The following LIMK2 variants were observed in gnomAD, a reference collection of about 807,000 sequenced individuals.
LIMK2 encodes LIM domain kinase 2.
LIMK2 carries 35 observed loss-of-function variants against 75.7 expected under a neutral mutation model. That is an observed-to-expected ratio of 0.46 (90% CI 0.35 to 0.61). The LOEUF is 0.61. Ranked by LOEUF, LIMK2 falls within the 20% of genes least tolerant of loss-of-function variation. The probability of loss-of-function intolerance (pLI) is 0.00; values close to 1 mark genes in which losing one functional copy is unlikely to be tolerated. For synonymous variants in LIMK2, 301 were observed against 319.2 expected, an observed-to-expected ratio of 0.94 and a Z score of 0.61; for missense variants, 623 against 831.0, an observed-to-expected ratio of 0.75 and a Z score of 3.08.
intron 1 of LIMK2, among the ~76,000 whole-genome samples, chr22:31,217,901 T>A (rs2048401229): frequency 6.6e-6 from 1 of 152,252 alleles, no homozygotes. Context: ...TCCATGTCCT[T>A]CACACCCCAT....
intron 2 of LIMK2, among the ~76,000 whole-genome samples, chr22:31,227,345 C>T (rs1429759724): frequency 6.6e-6 from 1 of 152,176 alleles, no homozygotes; most frequent in African/African-American, 2.4e-5. Context: ...GTAAAACATC[C>T]CTGTGCTTAT....
At chr22:31,273,579 A>T in intron 14 of LIMK2, 72 bp downstream of exon 14, 1 of 1,218,382 alleles carries the variant, frequency 8.2e-7, no homozygotes, top group South Asian at 1.2e-5. Flanking sequence ...GAACTGGGGC[A>T]TCTCCTCCTA....
intron 11 of LIMK2, among the ~76,000 whole-genome samples, chr22:31,269,773 C>T (rs1023281649): frequency 1.0e-5 from 1 of 96,556 alleles, no homozygotes; most frequent in East Asian, 3.0e-4. Flanking sequence ...GACTTCATCT[C>T]AAAAAAAAAA....
chr22:31,216,702 C>G (rs947912645), intron 1 of LIMK2, among the ~76,000 whole-genome samples: 2 of 152,114 alleles, frequency 1.3e-5, no homozygotes, highest in Non-Finnish European at 2.9e-5. Flanking sequence ...AATAAAAATC[C>G]GTCATGATCA....
chr22:31,221,557 T>C (rs1410552059), intron 1 of LIMK2, among the ~76,000 whole-genome samples: 6 of 152,184 alleles, frequency 3.9e-5, no homozygotes, highest in Non-Finnish European at 8.8e-5. Flanking sequence ...TGATCTTGGC[T>C]CACTGCAACC....
At chr22:31,274,727 T>A (rs1242673777) in intron 14 of LIMK2, among the ~76,000 whole-genome samples, 1 of 152,144 alleles carries the variant, frequency 6.6e-6, no homozygotes, top group Admixed American at 6.5e-5. Context: ...TTTAAAAAAT[T>A]GTTTTCTTTA....
intron 2 of LIMK2, among the ~76,000 whole-genome samples, chr22:31,232,070 T>A (rs1234849629): frequency 6.6e-6 from 1 of 151,774 alleles, no homozygotes; most frequent in African/African-American, 2.4e-5. Flanking sequence ...TGCCCCAGCC[T>A]CCCAAAGTGC....
At chr22:31,248,312 T>TCCTCCCTC (rs1210795180) in intron 2 of LIMK2, 1 of 1,196,038 alleles carries the variant, frequency 8.4e-7, no homozygotes, top group Non-Finnish European at 1.1e-6. Context: ...CCCCTCCTCT[T>TCCTCCCTC]CCTCCCTCCC....
At chr22:31,221,916 G>A (rs2048437646) in intron 1 of LIMK2, among the ~76,000 whole-genome samples, 1 of 152,170 alleles carries the variant, frequency 6.6e-6, no homozygotes, top group Non-Finnish European at 1.5e-5. Flanking sequence ...AATGACTGAA[G>A]CGGGTCCATT....
At chr22:31,222,372 CTTTTTTT>C (rs3068235) in intron 1 of LIMK2, among the ~76,000 whole-genome samples, 1 of 55,198 alleles carries the variant, frequency 1.8e-5, no homozygotes, top group Non-Finnish European at 2.9e-5. Context: ...TGCCCAGCCT[CTTTTTTT>C]TTTTTTTTTT....
At position 31,248,241 on chromosome 22, in the gene LIMK2, C is replaced by G. The variant is rs2048689130; in HGVS notation, c.117-10050C>G. 1.0e-5 allele frequency: 8 copies of G among 770,328 alleles called. No homozygotes were observed. In the South Asian group the frequency reaches 1.5e-4, roughly 14 times the overall value. 47.7% of individuals were successfully genotyped at this position (770,328 alleles called of 1,614,324 possible). On this transcript the variant is annotated intron_variant, in intron 2 of 15. Transcript: ENST00000331728. Reference sequence around the variant, plus strand: ...GCCTCGATCCAGCCCAGCTCCACCCCTTGCCTGCAAGGTCTGTTTCCTAAC... The same window carrying G: ...GCCTCGATCCAGCCCAGCTCCACCCGTTGCCTGCAAGGTCTGTTTCCTAAC...
At chr22:31,247,804 G>A (rs1435826756) in intron 2 of LIMK2, among the ~76,000 whole-genome samples, 1 of 152,178 alleles carries the variant, frequency 6.6e-6, no homozygotes, top group African/African-American at 2.4e-5. Context: ...ATCAGGTGTA[G>A]GTTAATACTC....
intron 15 of LIMK2, chr22:31,277,541 G>A (rs2049044046): frequency 1.0e-6 from 1 of 1,003,000 alleles, no homozygotes; most frequent in South Asian, 4.3e-5. Flanking sequence ...CAGTGTAAAA[G>A]CTTGAGGAGA....
chr22:31,222,107 C>G (rs2048439072), intron 1 of LIMK2, among the ~76,000 whole-genome samples: 1 of 151,788 alleles, frequency 6.6e-6, no homozygotes, highest in African/African-American at 2.4e-5. Context: ...GAGTTTCACT[C>G]TTGCCCAGGC....
At chr22:31,244,817 G>C (rs1188900556) in intron 2 of LIMK2, among the ~76,000 whole-genome samples, 1 of 152,160 alleles carries the variant, frequency 6.6e-6, no homozygotes, top group Non-Finnish European at 1.5e-5. Context: ...GCAGTGCATT[G>C]TCGCATTCAA....
chr22:31,240,340 A>G (rs2048613839), intron 2 of LIMK2, among the ~76,000 whole-genome samples: 1 of 152,152 alleles, frequency 6.6e-6, no homozygotes, highest in Non-Finnish European at 1.5e-5. Flanking sequence ...GAAGTTGGCT[A>G]ATGTCATCCC....
rs541293454 is a variant in LIMK2, at chr22:31,269,804, T to C, written c.1318-1332T>C. Among the ~76,000 whole-genome samples, 37 of 147,400 alleles carry C rather than the reference T, an allele frequency of 2.5e-4. No homozygotes were observed. The East Asian group carries it at 7.3e-3, about 29-fold the overall frequency. The stretch of plus-strand genomic sequence containing the variant: ...AAAAAAAAAAGAGAGACTGATATGG[T>C]TAGTACATTGGGGTGGAATGCGGAG... On this transcript the variant is annotated intron_variant, in intron 11 of 15. Coordinates refer to ENST00000331728, the MANE Select transcript of LIMK2 (RefSeq NM_005569.4).
chr22:31,254,255 C>G (rs2048754580), intron 2 of LIMK2, among the ~76,000 whole-genome samples: 2 of 152,236 alleles, frequency 1.3e-5, no homozygotes, highest in African/African-American at 4.8e-5. Context: ...AGGGTGTGTT[C>G]TGGTGCTCCC....
At chr22:31,237,822 A>G (rs547312672) in intron 2 of LIMK2, among the ~76,000 whole-genome samples, 1 of 151,960 alleles carries the variant, frequency 6.6e-6, no homozygotes, top group Admixed American at 6.6e-5. Context: ...AACCAATATA[A>G]GGCCGAGCGC....
Sources: allele counts gnomAD v4.1 joint callset (sites outside exome capture counted in the v4.1 genomes callset), GRCh38; gene constraint gnomAD v4.1.1; transcripts MANE v1.5; gene names NCBI Gene and HGNC (gene_info 2026-07-23, HGNC 2026-07-21).